Variants in FBXW8 observed in about 807,000 individuals in gnomAD.
FBXW8 encodes the protein F-box and WD repeat domain containing 8.
A neutral mutation model predicts 65.3 loss-of-function variants in FBXW8; 57 were observed. That is an observed-to-expected ratio of 0.87 (90% CI 0.71 to 1.09). The LOEUF (loss-of-function observed/expected upper bound fraction) is 1.09. FBXW8 is among the 50% of genes least tolerant of loss of function. FBXW8 has a pLI of 0.00. For synonymous variants in FBXW8, 308 were observed against 330.2 expected (o/e 0.93, Z 0.73); for missense variants, 777 against 814.8 (o/e 0.95, Z 0.57).
At chr12:116,998,316 G>A (rs943350266) in intron 7 of FBXW8, among the ~76,000 whole-genome samples, 8 of 152,212 alleles carry the variant, frequency 5.3e-5, no homozygotes, top group African/African-American at 1.9e-4. Context: ...CCTAGTTCCT[G>A]TATGCCAATA....
chr12:116,977,283 G>T (rs1349965121), intron 5 of FBXW8, among the ~76,000 whole-genome samples: 2 of 151,856 alleles, frequency 1.3e-5, no homozygotes, highest in African/African-American at 4.8e-5. Flanking sequence ...TTTTTTTCAG[G>T]ATTTGGAATG....
Position 116,985,357 on chromosome 12 carries a change from G to A in FBXW8, c.987G>A (p.Glu329=). The stretch of plus-strand genomic sequence containing the variant: ...ATGTCGTGATGTTATCCCCCAATGA[G>A]GAGGGGTACTGGCAGATAGCTGCGG... ...AFDVVMLSPN[E]EGYWQIAAEF... is the part of the protein sequence containing the mutation. Residue 329 remains glutamate (E), a synonymous_variant, in exon 6 of 11, where the codon GAG becomes GAA. Coordinates refer to ENST00000652555, the MANE Select transcript of FBXW8 (RefSeq NM_153348.3). 1 of 1,614,102 alleles carries A rather than the reference G, an allele frequency of 6.2e-7. No individual in the cohort carries two copies. The highest frequency in any genetic ancestry group is 8.5e-7 in the Non-Finnish European group (1 of 1,180,018).
chr12:116,911,022 G>C lies in FBXW8; in HGVS notation c.-16G>C. On this transcript the variant is annotated 5_prime_UTR_variant, in exon 1 of 11. Transcript: ENST00000652555. ...GGTGGAACCGAGGAGAACGTGGAGC[G>C]CCGGGAGCGGCGAATATGGACGACT... 2 of 1,399,672 alleles carry C rather than the reference G, an allele frequency of 1.4e-6. No homozygotes were observed. The highest frequency in any genetic ancestry group is 3.1e-5 in the South Asian group (2 of 63,706). The allele number at this position is 1,399,672 out of a possible 1,614,324, so 86.7% of individuals were successfully genotyped here. A position where few individuals can be genotyped will look rare whatever the true frequency, so the allele number is the denominator to read the frequency against.
At position 116,988,739 on chromosome 12, in the gene FBXW8, T is replaced by TG. The variant is rs765262152; in HGVS notation, c.1110dup (p.Leu371AlafsTer48). On this transcript the variant is annotated frameshift_variant, in exon 7 of 11. Coordinates refer to ENST00000652555, the MANE Select transcript of FBXW8 (RefSeq NM_153348.3). LOFTEE classifies it high-confidence loss of function. Reference sequence around the variant, plus strand: ...GCCGCTGCTGGAGATCTGATGTACCTGCTCAAAGCCGAAGACTCCGCCAGA... The same window carrying TG: ...GCCGCTGCTGGAGATCTGATGTACCTGGCTCAAAGCCGAAGACTCCGCCAGA... The TG allele has an allele frequency of 6.2e-7, 1 of 1,614,178 alleles. No homozygotes were observed. The highest frequency in any genetic ancestry group is 1.3e-5 in the African/African-American group (1 of 75,022).
intron 7 of FBXW8, among the ~76,000 whole-genome samples, chr12:116,997,394 A>T (rs926266613): frequency 3.3e-5 from 5 of 152,248 alleles, no homozygotes; most frequent in African/African-American, 1.2e-4. Flanking sequence ...GCTATAGTCA[A>T]GATAGCAGTT....
At position 117,026,246 on chromosome 12, in the gene FBXW8, C is replaced by T. The variant is rs12306116; in HGVS notation, c.1542-1148C>T. Among the ~76,000 whole-genome samples, 1,029 of 151,804 alleles carry T rather than the reference C, an allele frequency of 6.8e-3. 4 individuals are homozygous for T. The highest frequency in any genetic ancestry group is 0.024 in the African/African-American group (981 of 41,208). ...CCCTCCCCGGGTCTTTCTCATCCTC[C>T]AGGTCCCATGCCAGGTCCACCAACA... On this transcript the variant is annotated intron_variant, in intron 9 of 10. Transcript: ENST00000652555.
At chr12:117,015,746 A>C (rs540745102) in intron 8 of FBXW8, among the ~76,000 whole-genome samples, 1 of 151,734 alleles carries the variant, frequency 6.6e-6, no homozygotes, top group South Asian at 2.1e-4. Flanking sequence ...CAGTGTTTTA[A>C]GTAGGTCCAC....
At chr12:117,001,289 C>T (rs1953513989) in intron 7 of FBXW8, among the ~76,000 whole-genome samples, 1 of 152,220 alleles carries the variant, frequency 6.6e-6, no homozygotes, top group South Asian at 2.1e-4. Context: ...TGATTATTCG[C>T]TGCGGCTTCC....
chr12:117,018,370 C>T (rs1322574227), intron 8 of FBXW8, among the ~76,000 whole-genome samples: 1 of 152,240 alleles, frequency 6.6e-6, no homozygotes, highest in Non-Finnish European at 1.5e-5. Context: ...TCCTCTTTGT[C>T]CCTGGAATCG....
At chr12:116,928,485 G>A (rs765536773) in intron 2 of FBXW8, among the ~76,000 whole-genome samples, 1 of 152,146 alleles carries the variant, frequency 6.6e-6, no homozygotes, top group Non-Finnish European at 1.5e-5. Flanking sequence ...TGGTTAAATC[G>A]AGCCTGTTAT....
Position 117,028,447 on chromosome 12 carries a change from C to T in FBXW8, c.*275C>T, listed in dbSNP as rs1490430734. On this transcript the variant is annotated 3_prime_UTR_variant, in exon 11 of 11. Transcript: ENST00000652555. This position sits in a 1 kb window ranked among gnomAD's most constrained non-coding sequence, Gnocchi z 4.1. ...CACCCTGGCCTCAGCTCCCTCAGGA[C>T]GCCTCAGGGATCTCGCTGCGCGGTC... 7 of 494,266 alleles carry T rather than the reference C, an allele frequency of 1.4e-5. No homozygotes were observed. Among genetic ancestry groups the T allele is most frequent in the South Asian group, 2.2e-5 (1 of 45,484 alleles). The allele number at this position is 494,266 out of a possible 1,614,324, so 30.6% of individuals were successfully genotyped here. A position where few individuals can be genotyped will look rare whatever the true frequency, so the allele number is the denominator to read the frequency against.
chr12:117,004,760 A>G (rs1441677098), intron 7 of FBXW8, among the ~76,000 whole-genome samples: 1 of 151,844 alleles, frequency 6.6e-6, no homozygotes, highest in African/African-American at 2.4e-5. Flanking sequence ...TGCTGGGCAG[A>G]TGCTTGGTCT....
chr12:116,955,716 G>A (rs532004613), intron 4 of FBXW8, among the ~76,000 whole-genome samples: 28 of 152,210 alleles, frequency 1.8e-4, no homozygotes, highest in Non-Finnish European at 3.5e-4. Flanking sequence ...TCCCTGTTCT[G>A]TTTTGTGATG....
intron 4 of FBXW8, among the ~76,000 whole-genome samples, chr12:116,960,821 A>G (rs957091805): frequency 3.9e-5 from 6 of 152,192 alleles, no homozygotes; most frequent in Non-Finnish European, 8.8e-5. Context: ...GAGACGATCA[A>G]TGCATAAGGA....
Position 117,028,312 on chromosome 12 carries a change from C to T in FBXW8, c.*140C>T, listed in dbSNP as rs1211683763. 5 of 1,026,488 alleles carry T rather than the reference C, an allele frequency of 4.9e-6. No individual in the cohort carries two copies. The highest frequency in any genetic ancestry group is 7.0e-6 in the Non-Finnish European group (5 of 713,904). The allele number at this position is 1,026,488 out of a possible 1,614,324, so 63.6% of individuals were successfully genotyped here. A position where few individuals can be genotyped will look rare whatever the true frequency, so the allele number is the denominator to read the frequency against. On this transcript the variant is annotated 3_prime_UTR_variant, in exon 11 of 11. Transcript: ENST00000652555. The surrounding 1 kb of genome is among the most constrained non-coding windows in gnomAD (Gnocchi z 4.1). ...GGGTGCCATGCCTGACAGCACGCAT[C>T]TCCCTGACCCCTGCACTTCCCCCAG...
At chr12:116,970,453 A>G (rs1342601311) in intron 5 of FBXW8, among the ~76,000 whole-genome samples, 1 of 152,104 alleles carries the variant, frequency 6.6e-6, no homozygotes, top group African/African-American at 2.4e-5. Context: ...CCCTGGGCGG[A>G]GGTGACTATG....
In FBXW8 at chr12:117,006,519, C is replaced by CGGT. The variant is rs146260163; in HGVS notation, c.1240-3801_1240-3799dup. On this transcript the variant is annotated intron_variant, in intron 7 of 10. Coordinates refer to ENST00000652555, the MANE Select transcript of FBXW8 (RefSeq NM_153348.3). ...TGCTGCGGGGCCCGCCTGCCCACGGCGGTGGCTGATGCCTCCCAGTTGTTG... is the reference window on the plus strand; with the variant it reads ...TGCTGCGGGGCCCGCCTGCCCACGGCGGTGGTGGCTGATGCCTCCCAGTTGTTG... Among the ~76,000 whole-genome samples the CGGT allele has an allele frequency of 1.9e-4, 29 of 152,384 alleles. No individual in the cohort carries two copies. The South Asian group carries it at 3.5e-3, about 18-fold the overall frequency.
chr12:116,942,933 A>G (rs1457877195), intron 2 of FBXW8, among the ~76,000 whole-genome samples: 3 of 151,678 alleles, frequency 2.0e-5, no homozygotes, highest in Non-Finnish European at 1.5e-5. Flanking sequence ...GCGTGCCACC[A>G]TGCCTGGATA....
chr12:117,007,098 C>G (rs1436982802), intron 7 of FBXW8, among the ~76,000 whole-genome samples: 1 of 152,104 alleles, frequency 6.6e-6, no homozygotes, highest in Non-Finnish European at 1.5e-5. Flanking sequence ...GCTACCACTT[C>G]CTTTATAGAA....
Sources: allele counts gnomAD v4.1 joint callset (sites outside exome capture counted in the v4.1 genomes callset), GRCh38; gene constraint gnomAD v4.1.1; non-coding constraint Gnocchi (gnomAD v3.1); transcripts MANE v1.5; gene names NCBI Gene and HGNC (gene_info 2026-07-23, HGNC 2026-07-21).